Variants in MAPRE1 observed in about 807,000 individuals in gnomAD.
The protein encoded by MAPRE1 is microtubule-associated protein RP/EB family member 1.
Under a neutral mutation model 32.1 loss-of-function variants are expected in MAPRE1, and 5 were observed. That is an observed-to-expected ratio of 0.16 (90% CI 0.08 to 0.33). The LOEUF (loss-of-function observed/expected upper bound fraction) is 0.33, where lower values mean the gene tolerates loss of function less well. Among genes scored for constraint, MAPRE1 ranks in the 10% least tolerant of loss-of-function variants. The pLI, the probability that MAPRE1 is intolerant of heterozygous loss-of-function variation, is 1.00. For missense variants in MAPRE1, 209 were observed against 327.2 expected, an observed-to-expected ratio of 0.64 and a Z score of 2.79; for synonymous variants, 122 against 118.9, an observed-to-expected ratio of 1.03 and a Z score of -0.17.
chr20:32,825,149 CAAA>C (rs542454683), intron 1 of MAPRE1, among the ~76,000 whole-genome samples: 4 of 81,352 alleles, frequency 4.9e-5, no homozygotes, highest in African/African-American at 1.4e-4. Context: ...AAGACTGTCT[CAAA>C]AAAAAAAAAA....
chr20:32,850,182 G>A lies in MAPRE1; in HGVS notation c.*1454G>A, dbSNP rs539723003. On this transcript the variant is annotated 3_prime_UTR_variant, in exon 7 of 7. Transcript: ENST00000375571. The stretch of plus-strand genomic sequence containing the variant: ...TGTTGTGTAGTGCATGCTCTGTGTG[G>A]AATTCAGAGGAAAACCCAGATTCAG... The A allele has an allele frequency of 6.5e-6, 1 of 152,674 alleles. No individual in the cohort carries two copies. Among genetic ancestry groups the A allele is most frequent in the South Asian group, 2.1e-4 (1 of 4,828 alleles). 9.5% of individuals were successfully genotyped at this position (152,674 alleles called of 1,614,324 possible).
chr20:32,842,231 A>T (rs535132178), intron 5 of MAPRE1, among the ~76,000 whole-genome samples: 1 of 152,124 alleles, frequency 6.6e-6, no homozygotes, highest in Non-Finnish European at 1.5e-5. Flanking sequence ...GACTACAGGC[A>T]CCCGCCACCA....
intron 5 of MAPRE1, among the ~76,000 whole-genome samples, chr20:32,844,821 G>T (rs1983459959): frequency 6.6e-6 from 1 of 152,166 alleles, no homozygotes; most frequent in Non-Finnish European, 1.5e-5. Flanking sequence ...TGGAGCTGTA[G>T]CTCTGAGTCT....
intron 1 of MAPRE1, among the ~76,000 whole-genome samples, chr20:32,824,523 A>G (rs60713234): frequency 0.013 from 2,040 of 152,328 alleles, 44 homozygotes; most frequent in African/African-American, 0.047. Flanking sequence ...TCTGTGAAGT[A>G]TCTGGCACTT....
At chr20:32,832,163 G>A (rs1487518183) in intron 2 of MAPRE1, among the ~76,000 whole-genome samples, 2 of 152,094 alleles carry the variant, frequency 1.3e-5, no homozygotes, top group Non-Finnish European at 2.9e-5. Flanking sequence ...GAACTGGTTC[G>A]GCCTGACCTC....
chr20:32,847,981 G>A (rs913549203), intron 6 of MAPRE1, among the ~76,000 whole-genome samples: 86 of 152,242 alleles, frequency 5.6e-4, no homozygotes, highest in African/African-American at 2.0e-3. Flanking sequence ...TGCATAGACA[G>A]TTTATTGAGA....
intron 3 of MAPRE1, among the ~76,000 whole-genome samples, chr20:32,834,546 AC>A (rs1289850465): frequency 6.6e-6 from 1 of 151,216 alleles, no homozygotes; most frequent in Non-Finnish European, 1.5e-5. Flanking sequence ...TGGGGGGATA[AC>A]TTTTTTTTTT....
chr20:32,823,974 A>G (rs1982772291), intron 1 of MAPRE1, among the ~76,000 whole-genome samples: 1 of 152,202 alleles, frequency 6.6e-6, no homozygotes, highest in South Asian at 2.1e-4. Context: ...CTCCTTGCTC[A>G]CTGGGCTGGA....
At chr20:32,836,425 TGA>T (rs541072612) in intron 3 of MAPRE1, among the ~76,000 whole-genome samples, 230 of 152,334 alleles carry the variant, frequency 1.5e-3, no homozygotes, top group African/African-American at 4.6e-3. Context: ...TTCATACATT[TGA>T]GAGAGTGGGG....
At chr20:32,840,110 G>A (rs1983319581) in intron 5 of MAPRE1, among the ~76,000 whole-genome samples, 1 of 152,190 alleles carries the variant, frequency 6.6e-6, no homozygotes, top group Non-Finnish European at 1.5e-5. Context: ...GAATCCTGTT[G>A]AATGTTTCTG....
At chr20:32,840,447 T>C (rs563358896) in intron 5 of MAPRE1, among the ~76,000 whole-genome samples, 2 of 152,296 alleles carry the variant, frequency 1.3e-5, no homozygotes, top group Non-Finnish European at 2.9e-5. Flanking sequence ...TTTCAGATGA[T>C]TCTTTTTGTT....
At chr20:32,836,142 G>A (rs759477212) in intron 3 of MAPRE1, among the ~76,000 whole-genome samples, 12 of 151,698 alleles carry the variant, frequency 7.9e-5, no homozygotes, top group Admixed American at 6.6e-5. Context: ...TGTATTTTTG[G>A]TAGAGCCTAG....
intron 5 of MAPRE1, among the ~76,000 whole-genome samples, chr20:32,845,018 T>C (rs1384232626): frequency 6.6e-6 from 1 of 151,732 alleles, no homozygotes; most frequent in Non-Finnish European, 1.5e-5. Flanking sequence ...TATGTATGTA[T>C]GTATGTATGT....
intron 1 of MAPRE1, among the ~76,000 whole-genome samples, chr20:32,822,823 C>G (rs1327643338): frequency 6.6e-6 from 1 of 152,212 alleles, no homozygotes; most frequent in East Asian, 1.9e-4. Flanking sequence ...GAGAATGGTT[C>G]AGAAATAACG....
chr20:32,833,573 T>C (rs1174628467), intron 2 of MAPRE1, 144 bp from the exon 3 acceptor site: 1 of 635,740 alleles, frequency 1.6e-6, no homozygotes. Context: ...GTTTTAGAAA[T>C]TGACTTCACA....
intron 4 of MAPRE1, 116 bp downstream of exon 4, chr20:32,836,957 C>G (rs1389556664): frequency 1.1e-6 from 1 of 913,612 alleles, no homozygotes; most frequent in African/African-American, 1.7e-5. Context: ...AATATAATCC[C>G]AGGCATGTGG....
intron 1 of MAPRE1, among the ~76,000 whole-genome samples, chr20:32,823,595 G>A (rs1314271259): frequency 6.6e-6 from 1 of 152,208 alleles, no homozygotes; most frequent in Non-Finnish European, 1.5e-5. Flanking sequence ...TGTAATGAGA[G>A]CAAGATTCTA....
intron 6 of MAPRE1, 58 bp downstream of exon 6, chr20:32,846,828 T>C: frequency 1.9e-6 from 3 of 1,544,960 alleles, no homozygotes; most frequent in Non-Finnish European, 2.7e-6. Flanking sequence ...GTTGGTGAAC[T>C]CTGTGCTGAT....
intron 1 of MAPRE1, among the ~76,000 whole-genome samples, chr20:32,821,240 C>T (rs1323386046): frequency 3.3e-5 from 5 of 152,214 alleles, no homozygotes; most frequent in African/African-American, 1.2e-4. Flanking sequence ...TGTTGTCGAA[C>T]TCCTGACCTC....
Sources: gnomAD v4.1 joint callset for allele counts (sites outside exome capture counted in the v4.1 genomes callset) on GRCh38, gnomAD v4.1.1 for gene constraint, MANE v1.5 for transcripts, NCBI Gene and HGNC (gene_info 2026-07-23, HGNC 2026-07-21) for gene names.